KLRF1: variants seen among roughly 807,000 people sequenced by gnomAD.
The protein encoded by KLRF1 is killer cell lectin like receptor F1.
Under a neutral mutation model 30.7 loss-of-function variants are expected in KLRF1, and 27 were observed. The ratio of observed to expected loss-of-function variants is 0.88; its 90% CI spans 0.65 to 1.21. The LOEUF (loss-of-function observed/expected upper bound fraction) is 1.21. Ranked by LOEUF, KLRF1 falls within the 50% of genes most tolerant of loss-of-function variation. The pLI is 0.00. For missense variants in KLRF1, 246 were observed against 259.3 expected (o/e 0.95, Z 0.35); for synonymous variants, 92 against 89.3 (o/e 1.03, Z -0.17).
intron 3 of KLRF1, among the ~76,000 whole-genome samples, chr12:9,838,612 G>A (rs754057365): frequency 2.6e-5 from 4 of 152,080 alleles, no homozygotes; most frequent in Non-Finnish European, 5.9e-5. Flanking sequence ...ACCAACCAAG[G>A]CAAAGAACTG....
chr12:9,841,863 C>G lies in KLRF1; in HGVS notation c.386C>G (p.Ser129Cys), dbSNP rs374823864. ...LKYQGKCYWFSNEMKSWSDSY... is the reference protein window; with the variant it reads ...LKYQGKCYWFCNEMKSWSDSY... ...TACCAAGGGAAGTGTTATTGGTTCT[C>G]TAATGAGATGAAAAGCTGGAGTGAC... Residue 129 changes from serine to cysteine, a missense_variant, in exon 4 of 6, where the codon TCT becomes TGT. Physicochemically the swap from Ser to Cys is moderately radical, Grantham distance 112. Transcript: ENST00000617889. The G allele has an allele frequency of 8.7e-6, 14 of 1,608,754 alleles. No individual in the cohort carries two copies. In the Admixed American group the frequency reaches 1.8e-4, roughly 21 times the overall value.
intron 5 of KLRF1, among the ~76,000 whole-genome samples, chr12:9,843,426 C>A (rs768115550): frequency 6.6e-6 from 1 of 152,256 alleles, no homozygotes; most frequent in South Asian, 2.1e-4. Flanking sequence ...TAGTAACCAA[C>A]TTAATGGTGT....
upstream of KLRF1, among the ~76,000 whole-genome samples, chr12:9,824,567 C>G (rs1293413924): frequency 6.6e-6 from 1 of 152,114 alleles, no homozygotes; most frequent in Non-Finnish European, 1.5e-5. Flanking sequence ...GACACGAATG[C>G]CCACTCTCAA....
chr12:9,836,521 A>T lies in KLRF1; in HGVS notation c.334+3069A>T, dbSNP rs1022361170. 3.3e-5 allele frequency among the ~76,000 whole-genome samples: 5 copies of T among 152,060 alleles called. No individual in the cohort carries two copies. In the South Asian group the frequency reaches 1.0e-3, roughly 31 times the overall value. Reference sequence around the variant, plus strand: ...GATGAAGTTCTATTCTTTACTTTTAAGTTTAACTTTTTGATACTTAACTGA... The same window carrying T: ...GATGAAGTTCTATTCTTTACTTTTATGTTTAACTTTTTGATACTTAACTGA... On this transcript the variant is annotated intron_variant, in intron 3 of 5. Transcript: ENST00000617889.
At chr12:9,832,043 G>C (rs1005926646) in intron 1 of KLRF1, among the ~76,000 whole-genome samples, 5 of 152,158 alleles carry the variant, frequency 3.3e-5, no homozygotes, top group Admixed American at 2.0e-4. Context: ...TCAGTGCATA[G>C]AGTAAAATTC....
At chr12:9,841,447 C>T (rs906844914) in intron 3 of KLRF1, among the ~76,000 whole-genome samples, 3 of 151,960 alleles carry the variant, frequency 2.0e-5, no homozygotes, top group African/African-American at 7.3e-5. Context: ...TGCACGTATA[C>T]CCCTGAACTT....
At chr12:9,820,947 C>G in the KLRF1 span, among the ~76,000 whole-genome samples, 1 of 152,134 alleles carries the variant, frequency 6.6e-6, no homozygotes, top group African/African-American at 2.4e-5. Flanking sequence ...GGCTCATGAC[C>G]ACAGAATGGT....
intron 5 of KLRF1, among the ~76,000 whole-genome samples, chr12:9,843,947 G>A (rs1439402389): frequency 6.6e-6 from 1 of 151,946 alleles, no homozygotes; most frequent in African/African-American, 2.4e-5. Context: ...AGTAAATAAT[G>A]CAATAAATAT....
intron 4 of KLRF1, 39 bp downstream of exon 4, chr12:9,841,990 T>TA: frequency 1.3e-6 from 2 of 1,562,234 alleles, no homozygotes; most frequent in East Asian, 2.3e-5. Flanking sequence ...ATCTTTGCAG[T>TA]AAAAAATGGC....
At position 9,842,357 on chromosome 12, in the gene KLRF1, G is replaced by C; in HGVS notation, c.511G>C (p.Val171Leu). 1 of 1,611,756 alleles carries C rather than the reference G, an allele frequency of 6.2e-7. No homozygotes were observed. The highest frequency in any genetic ancestry group is 8.5e-7 in the Non-Finnish European group (1 of 1,178,384). Residue 171 changes from valine (V) to leucine (L), a missense_variant, in exon 5 of 6, where the codon GTA (valine) becomes CTA (leucine). Val to Leu is a conservative substitution (Grantham distance 32). Transcript: ENST00000617889. The stretch of plus-strand genomic sequence containing the variant: ...GAAAAACCTAAGACAATTAAACTAC[G>C]TATGGATTGGGCTTAACTTTACCTC... ...IQKNLRQLNY[V>L]WIGLNFTSLK...
At chr12:9,826,426 T>A (rs1337384164), upstream of KLRF1, among the ~76,000 whole-genome samples, 1 of 152,148 alleles carries the variant, frequency 6.6e-6, no homozygotes, top group Non-Finnish European at 1.5e-5. Flanking sequence ...TTATACACCT[T>A]TGATGGGAGT....
upstream of KLRF1, among the ~76,000 whole-genome samples, chr12:9,825,860 G>A (rs773287352): frequency 6.6e-6 from 1 of 152,104 alleles, no homozygotes; most frequent in East Asian, 1.9e-4. Context: ...GTGGACTAAG[G>A]ACATGAACAG....
chr12:9,842,283 A>G (rs1219413585), intron 4 of KLRF1, 38 bp from the exon 5 acceptor site: 1 of 1,604,738 alleles, frequency 6.2e-7, no homozygotes, highest in East Asian at 2.2e-5. Context: ...TGAATTGCTA[A>G]AATATTTTGT....
upstream of KLRF1, among the ~76,000 whole-genome samples, chr12:9,824,560 A>G (rs934007486): frequency 1.3e-5 from 2 of 152,178 alleles, no homozygotes; most frequent in Admixed American, 6.5e-5. Context: ...AGCACAAGAC[A>G]CGAATGCCCA....
chr12:9,833,912 T>TTTTTTTTTTC, intron 3 of KLRF1, among the ~76,000 whole-genome samples: 1 of 147,614 alleles, frequency 6.8e-6, no homozygotes, highest in Admixed American at 6.7e-5. Context: ...TTTTTTTTTT[T>TTTTTTTTTTC]TTTTTTTTTT....
Position 9,844,604 on chromosome 12 carries a change from G to A in KLRF1, c.*78G>A. The A allele has an allele frequency of 1.3e-6, 1 of 763,272 alleles. No homozygotes were observed. The highest frequency in any genetic ancestry group is 1.8e-5 in the African/African-American group (1 of 56,836). 47.3% of individuals were successfully genotyped at this position (763,272 alleles called of 1,614,324 possible). On this transcript the variant is annotated 3_prime_UTR_variant, in exon 6 of 6. Transcript: ENST00000617889. ...TAGTTTCTAATATTAATCTCCAGGT[G>A]TAAGATTTTAAAGTGCAATTAAATG...
At chr12:9,815,068 C>T in the KLRF1 span, among the ~76,000 whole-genome samples, 1 of 151,980 alleles carries the variant, frequency 6.6e-6, no homozygotes, top group Non-Finnish European at 1.5e-5. Flanking sequence ...AATTACACAA[C>T]CGATGCATGT....
chr12:9,812,367 GAA>G, the KLRF1 span, among the ~76,000 whole-genome samples: 70,763 of 96,016 alleles, frequency 0.74, 27,473 homozygotes, highest in Non-Finnish European at 0.89. Context: ...GCCGTCTCAG[GAA>G]AAAAAAAAAA....
the KLRF1 span, among the ~76,000 whole-genome samples, chr12:9,806,568 A>C: frequency 6.6e-6 from 1 of 152,144 alleles, no homozygotes; most frequent in South Asian, 2.1e-4. Flanking sequence ...ATCCAGTTTG[A>C]CAATCTGAGC....
Sources: allele counts gnomAD v4.1 joint callset (sites outside exome capture counted in the v4.1 genomes callset), GRCh38; gene constraint gnomAD v4.1.1; transcripts MANE v1.5; gene names NCBI Gene and HGNC (gene_info 2026-07-23, HGNC 2026-07-21).